Variants in TPCN1 observed in about 807,000 individuals in gnomAD.
The protein encoded by TPCN1 is two pore segment channel 1, also known as two pore channel protein 1.
Under a neutral mutation model 108.8 loss-of-function variants are expected in TPCN1, and 52 were observed. The observed-to-expected ratio is 0.48, with a 90% CI of 0.38 to 0.60. The LOEUF (loss-of-function observed/expected upper bound fraction) is 0.60, where lower values mean the gene tolerates loss of function less well. TPCN1 is among the 20% of genes least tolerant of loss of function. TPCN1 has a pLI of 0.00. For synonymous variants in TPCN1, 446 were observed against 433.7 expected (o/e 1.03, Z -0.35); for missense variants, 806 against 1,072.8 (o/e 0.75, Z 3.47).
chr12:113,262,570 G>A (rs1955082100), intron 3 of TPCN1, among the ~76,000 whole-genome samples: 2 of 152,146 alleles, frequency 1.3e-5, no homozygotes, highest in South Asian at 2.1e-4. Flanking sequence ...TGTCCCAAGC[G>A]CAGGCATACT....
chr12:113,225,657 C>T (rs144073730), intron 1 of TPCN1, among the ~76,000 whole-genome samples: 2,596 of 152,136 alleles, frequency 0.017, 57 homozygotes, highest in African/African-American at 0.058. Flanking sequence ...CGGGTTCAAG[C>T]GATTCTCCTG....
At chr12:113,238,066 T>G (rs1953961565) in intron 2 of TPCN1, among the ~76,000 whole-genome samples, 1 of 152,272 alleles carries the variant, frequency 6.6e-6, no homozygotes, top group East Asian at 1.9e-4. Flanking sequence ...TCTTAGTCTG[T>G]TCAGATGGCA....
At chr12:113,261,002 G>A (rs930423998) in intron 3 of TPCN1, among the ~76,000 whole-genome samples, 4 of 152,000 alleles carry the variant, frequency 2.6e-5, no homozygotes, top group African/African-American at 9.7e-5. Context: ...AGATCAGCCT[G>A]GCCAACATAG....
At chr12:113,263,647 C>T (rs967315677) in intron 3 of TPCN1, among the ~76,000 whole-genome samples, 3 of 152,226 alleles carry the variant, frequency 2.0e-5, no homozygotes, top group African/African-American at 4.8e-5. Flanking sequence ...AATTGGCCCT[C>T]GCTGCTTTGA....
At chr12:113,277,666 G>C (rs919661915) in intron 12 of TPCN1, among the ~76,000 whole-genome samples, 1 of 152,174 alleles carries the variant, frequency 6.6e-6, no homozygotes, top group African/African-American at 2.4e-5. Context: ...TGTGAGCCAG[G>C]TGGACAGACA....
chr12:113,268,759 G>T lies in TPCN1; in HGVS notation c.546G>T (p.Val182=). 2 of 1,613,796 alleles carry T rather than the reference G, an allele frequency of 1.2e-6. No individual in the cohort carries two copies. The highest frequency in any genetic ancestry group is 1.7e-6 in the Non-Finnish European group (2 of 1,179,992). The change falls in exon 6 of 28, where the codon GTG becomes GTT. Residue 182 remains valine, a synonymous_variant. Transcript: ENST00000335509. This position sits in a 1 kb window ranked among gnomAD's most constrained non-coding sequence, Gnocchi z 7.3. ...ACCCACAGACCTCGGTGCTGGTGGT[G>T]CAGTTTGTCGAGGCCATCGTGGTGT... The part of the protein sequence containing the change: ...RTMVKTSVLV[V]QFVEAIVVLV...
chr12:113,276,785 G>A (rs753259915), intron 10 of TPCN1, 134 bp from the exon 11 acceptor site: 13 of 679,076 alleles, frequency 1.9e-5, no homozygotes, highest in East Asian at 5.0e-5. Context: ...AGGTGCAGGC[G>A]AGAGGGTCTC....
At position 113,273,387 on chromosome 12, in the gene TPCN1, G is replaced by A; in HGVS notation, c.842+97G>A. On this transcript the variant is annotated intron_variant, in intron 9 of 27. Transcript: ENST00000335509. The surrounding 1 kb of genome is among the most constrained non-coding windows in gnomAD (Gnocchi z 4.0). ...TATATTCCACATCCCAGCACAGGCA[G>A]GTGCTGTGGTGCTATTGGGAGACAG... 2.2e-6 allele frequency: 3 copies of A among 1,375,656 alleles called. No homozygotes were observed. The highest frequency in any genetic ancestry group is 3.1e-6 in the Non-Finnish European group (3 of 965,232). 85.2% of individuals were successfully genotyped at this position (1,375,656 alleles called of 1,614,324 possible).
chr12:113,257,292 G>A (rs1430116600), intron 2 of TPCN1, among the ~76,000 whole-genome samples: 1 of 152,160 alleles, frequency 6.6e-6, no homozygotes, highest in Non-Finnish European at 1.5e-5. Flanking sequence ...CGGAATTCAA[G>A]GCCAGCCTGG....
intron 2 of TPCN1, among the ~76,000 whole-genome samples, chr12:113,255,087 A>C (rs1437305061): frequency 6.6e-6 from 1 of 152,258 alleles, no homozygotes. Context: ...CTGGATTAGA[A>C]AGGAAGAAAT....
At chr12:113,281,600 A>ATAG (rs1422350213) in intron 15 of TPCN1, among the ~76,000 whole-genome samples, 2 of 152,162 alleles carry the variant, frequency 1.3e-5, no homozygotes, top group African/African-American at 4.8e-5. Context: ...CCCTAGTGGC[A>ATAG]TAGTCATGGT....
chr12:113,256,346 G>A (rs565436295), intron 2 of TPCN1, among the ~76,000 whole-genome samples: 2 of 151,226 alleles, frequency 1.3e-5, no homozygotes, highest in East Asian at 3.9e-4. Context: ...GGGTATGCAT[G>A]TATGTATGTA....
intron 27 of TPCN1, chr12:113,294,270 T>C (rs1163657061): frequency 1.3e-5 from 2 of 152,038 alleles, no homozygotes; most frequent in African/African-American, 4.8e-5. Context: ...TTTGTAGCAG[T>C]GAGGTCTTGC....
At chr12:113,290,681 G>A (rs972252464) in intron 22 of TPCN1, among the ~76,000 whole-genome samples, 4 of 152,180 alleles carry the variant, frequency 2.6e-5, no homozygotes, top group Admixed American at 2.6e-4. Flanking sequence ...TGACACCCCA[G>A]ATCTGCACCC....
chr12:113,277,149 A>G, intron 11 of TPCN1, 91 bp from the exon 12 acceptor site: 1 of 1,604,484 alleles, frequency 6.2e-7, no homozygotes, highest in South Asian at 1.1e-5. Flanking sequence ...CTGCCCTTGG[A>G]AGAATGAACA....
At chr12:113,238,304 C>T (rs1953972390) in intron 2 of TPCN1, among the ~76,000 whole-genome samples, 1 of 152,176 alleles carries the variant, frequency 6.6e-6, no homozygotes, top group Non-Finnish European at 1.5e-5. Flanking sequence ...ACTGCAGCAG[C>T]AGTGCCGCTT....
In TPCN1 at chr12:113,267,827, C is replaced by T. The variant is rs748574491; in HGVS notation, c.415-16C>T. On this transcript the variant is annotated splice_polypyrimidine_tract_variant and intron_variant, in intron 4 of 27. Coordinates refer to ENST00000335509, the MANE Select transcript of TPCN1 (RefSeq NM_017901.6). ...CTGGGCTGGCCATGACACATCTCCA[C>T]ACCCTCTGGTCTCAGGTCCACGCCA... The T allele has an allele frequency of 1.9e-6, 3 of 1,593,868 alleles. No homozygotes were observed. Among genetic ancestry groups the T allele is most frequent in the Non-Finnish European group, 1.7e-6 (2 of 1,161,534 alleles).
intron 14 of TPCN1, among the ~76,000 whole-genome samples, chr12:113,279,417 T>TTTTTTTTG (rs1955814891): frequency 1.5e-5 from 2 of 130,542 alleles, no homozygotes; most frequent in East Asian, 2.3e-4. Context: ...TTTTTTTTTT[T>TTTTTTTTG]GAGGCGGCGT....
Position 113,291,048 on chromosome 12 carries a change from G to A in TPCN1, c.1959+50G>A, listed in dbSNP as rs764662029. ...GTATCTTCCCGCCAGCCCTGGGGTC[G>A]GCCCTGGGTCTCCCCCAACCCAGAG... is the stretch of plus-strand genomic sequence containing the variant. On this transcript the variant is annotated intron_variant, in intron 23 of 27. Coordinates refer to ENST00000335509, the MANE Select transcript of TPCN1 (RefSeq NM_017901.6). The A allele has an allele frequency of 4.2e-5, 66 of 1,565,482 alleles. No homozygotes were observed. In the Middle Eastern group the frequency reaches 5.7e-4, roughly 14 times the overall value.
Sources: gnomAD v4.1 joint callset for allele counts (sites outside exome capture counted in the v4.1 genomes callset) on GRCh38, gnomAD v4.1.1 for gene constraint, Gnocchi (gnomAD v3.1) non-coding constraint, MANE v1.5 for transcripts, NCBI Gene and HGNC (gene_info 2026-07-23, HGNC 2026-07-21) for gene names.